Variants in RIC1 observed in about 807,000 individuals in gnomAD.
RIC1 encodes RIC1 partner of RAB6A GEF complex.
RIC1 carries 88 observed loss-of-function variants against 169.0 expected under a neutral mutation model. That is an observed-to-expected ratio of 0.52 (90% confidence interval 0.44 to 0.62). The LOEUF (loss-of-function observed/expected upper bound fraction) is 0.62. RIC1 is among the 20% of genes least tolerant of loss of function. The probability of loss-of-function intolerance (pLI) is 0.00; values close to 1 mark genes in which losing one functional copy is unlikely to be tolerated. For synonymous variants in RIC1, 790 were observed against 601.5 expected (o/e 1.31, Z -4.59); for missense variants, 1,877 against 1,725.5 (o/e 1.09, Z -1.56).
intron 8 of RIC1, among the ~76,000 whole-genome samples, chr9:5,740,384 T>G (rs1825005897): frequency 6.6e-6 from 1 of 152,080 alleles, no homozygotes; most frequent in African/African-American, 2.4e-5. Flanking sequence ...TCCTTAATAT[T>G]CTGTACCTCT....
chr9:5,773,895 G>A lies in RIC1; in HGVS notation c.3984-63G>A, dbSNP rs139410923. The A allele has an allele frequency of 1.8e-4, 260 of 1,428,848 alleles. No homozygotes were observed. In the African/African-American group the frequency reaches 2.9e-3, roughly 16 times the overall value. The allele number at this position is 1,428,848 out of a possible 1,614,324, so 88.5% of individuals were successfully genotyped here. A position where few individuals can be genotyped will look rare whatever the true frequency, so the allele number is the denominator to read the frequency against. On this transcript the variant is annotated intron_variant, in intron 25 of 25. Coordinates refer to ENST00000414202, the MANE Select transcript of RIC1 (RefSeq NM_020829.4). ...ATCAATGTTCAGTAGAAGTTCACCCGTAATGTTCTACCAAACCTTTTGAAT... is the reference window on the plus strand; with the variant it reads ...ATCAATGTTCAGTAGAAGTTCACCCATAATGTTCTACCAAACCTTTTGAAT...
At chr9:5,747,746 G>A (rs574554602) in intron 12 of RIC1, among the ~76,000 whole-genome samples, 1 of 152,262 alleles carries the variant, frequency 6.6e-6, no homozygotes, top group African/African-American at 2.4e-5. Flanking sequence ...AGAACTAGAA[G>A]TTTATGTTTT....
intron 2 of RIC1, among the ~76,000 whole-genome samples, chr9:5,687,705 G>T (rs181861471): frequency 6.6e-6 from 1 of 152,116 alleles, no homozygotes; most frequent in East Asian, 1.9e-4. Flanking sequence ...TTTTACACAC[G>T]GTATAAACCC....
Position 5,683,419 on chromosome 9 carries a change from G to A in RIC1, c.253-6540G>A, listed in dbSNP as rs10815269. On this transcript the variant is annotated intron_variant, in intron 2 of 25. Transcript: ENST00000414202. ...AGTTTGCTGGAGGTCCACTCCAGACGCTGTTTGCCTGGGTATCAGCAGCAG... is the reference window on the plus strand; with the variant it reads ...AGTTTGCTGGAGGTCCACTCCAGACACTGTTTGCCTGGGTATCAGCAGCAG... 7.2e-5 allele frequency among the ~76,000 whole-genome samples: 11 copies of A among 152,104 alleles called. No homozygotes were observed. The South Asian group carries it at 1.7e-3, about 23-fold the overall frequency.
intron 6 of RIC1, among the ~76,000 whole-genome samples, chr9:5,722,975 G>C (rs1823704590): frequency 6.6e-6 from 1 of 152,148 alleles, no homozygotes; most frequent in Admixed American, 6.5e-5. Flanking sequence ...CACTGGGCTT[G>C]GTACCAAGTC....
At position 5,743,078 on chromosome 9, in the gene RIC1, A is replaced by G. The variant is rs1587086591; in HGVS notation, c.1046+65A>G. Reference sequence around the variant, plus strand: ...TTATTTCTCACAATGCATGCATACAAAAACCTTGTGTCAGAACTTCCCTTT... The same window carrying G: ...TTATTTCTCACAATGCATGCATACAGAAACCTTGTGTCAGAACTTCCCTTT... On this transcript the variant is annotated intron_variant, in intron 9 of 25. Coordinates refer to ENST00000414202, the MANE Select transcript of RIC1 (RefSeq NM_020829.4). 7 of 1,476,830 alleles carry G rather than the reference A, an allele frequency of 4.7e-6. No individual in the cohort carries two copies. In the South Asian group the frequency reaches 8.8e-5, roughly 19 times the overall value. The allele number at this position is 1,476,830 out of a possible 1,614,324, so 91.5% of individuals were successfully genotyped here.
chr9:5,671,976 G>C (rs1203620083), intron 2 of RIC1, among the ~76,000 whole-genome samples: 2 of 152,158 alleles, frequency 1.3e-5, no homozygotes, highest in Non-Finnish European at 2.9e-5. Flanking sequence ...ACATTAGCAG[G>C]GCTTCCCATA....
intron 2 of RIC1, among the ~76,000 whole-genome samples, chr9:5,670,199 T>C (rs1820008925): frequency 6.6e-6 from 1 of 152,226 alleles, no homozygotes; most frequent in Admixed American, 6.5e-5. Flanking sequence ...TGGGAAAAAT[T>C]GGCTGTGGAG....
chr9:5,692,431 A>C (rs1315137081), intron 3 of RIC1, among the ~76,000 whole-genome samples: 1 of 152,048 alleles, frequency 6.6e-6, no homozygotes, highest in African/African-American at 2.4e-5. Flanking sequence ...AATTTTTTTC[A>C]CCAAGTGTTT....
In RIC1 at chr9:5,774,411, C is replaced by A; in HGVS notation, c.*165C>A. The A allele has an allele frequency of 1.8e-6, 1 of 565,376 alleles. No homozygotes were observed. The highest frequency in any genetic ancestry group is 2.9e-6 in the Non-Finnish European group (1 of 350,792). The allele number at this position is 565,376 out of a possible 1,614,324, so 35.0% of individuals were successfully genotyped here. A position where few individuals can be genotyped will look rare whatever the true frequency, so the allele number is the denominator to read the frequency against. ...TTTCTTGTCTAAGAAATCTTTTTGA[C>A]TCCATAAAAATGTGATATAAAGCAT... On this transcript the variant is annotated 3_prime_UTR_variant, in exon 26 of 26. Coordinates refer to ENST00000414202, the MANE Select transcript of RIC1 (RefSeq NM_020829.4).
At chr9:5,702,488 CACTT>C (rs1822283835) in intron 3 of RIC1, among the ~76,000 whole-genome samples, 1 of 151,568 alleles carries the variant, frequency 6.6e-6, no homozygotes, top group South Asian at 2.1e-4. Flanking sequence ...AGGTGCTACA[CACTT>C]ACACACTTTT....
At position 5,754,879 on chromosome 9, in the gene RIC1, G is replaced by A. The variant is rs1469438765; in HGVS notation, c.1641G>A (p.Trp547Ter). Reference protein sequence around the residue: ...NMIVTGGLAWWNDFMVLACYN... With the variant: ...NMIVTGGLAW ...TCGTGACAGGTGGCTTAGCCTGGTG[G>A]AATGATTTTATGGTCCTTGCGTGTT... The change falls in exon 15 of 26, where the codon TGG (tryptophan) becomes TGA (stop). Residue 547 changes from tryptophan (W) to a stop codon, truncating the protein, a stop_gained. Transcript: ENST00000414202. LOFTEE classifies it high-confidence loss of function. The A allele has an allele frequency of 6.3e-7, 1 of 1,578,238 alleles. No homozygotes were observed. Among genetic ancestry groups the A allele is most frequent in the Admixed American group, 1.7e-5 (1 of 59,718 alleles).
intron 6 of RIC1, among the ~76,000 whole-genome samples, chr9:5,722,990 C>T (rs1339066455): frequency 6.6e-6 from 1 of 152,174 alleles, no homozygotes; most frequent in African/African-American, 2.4e-5. Flanking sequence ...CAAGTCTTTG[C>T]TATTTGAATA....
chr9:5,696,696 T>A (rs1172637031), intron 3 of RIC1, among the ~76,000 whole-genome samples: 1 of 152,230 alleles, frequency 6.6e-6, no homozygotes, highest in Non-Finnish European at 1.5e-5. Context: ...ACTCTCCAGT[T>A]GTCCTGTATC....
chr9:5,758,042 C>G (rs1185348076), intron 17 of RIC1, among the ~76,000 whole-genome samples: 2 of 152,104 alleles, frequency 1.3e-5, no homozygotes, highest in Non-Finnish European at 2.9e-5. Context: ...TAAGACAAAA[C>G]TACTGTAGGG....
chr9:5,761,494 T>C (rs932084770), intron 17 of RIC1, among the ~76,000 whole-genome samples: 12 of 152,130 alleles, frequency 7.9e-5, no homozygotes, highest in African/African-American at 2.9e-4. Context: ...TACTTGGAAT[T>C]CTTAAGAATT....
chr9:5,723,965 T>A (rs1305726736), intron 6 of RIC1, among the ~76,000 whole-genome samples: 2 of 152,172 alleles, frequency 1.3e-5, no homozygotes, highest in Non-Finnish European at 2.9e-5. Context: ...ACTGTAGCCT[T>A]GTAGTATAGT....
chr9:5,688,659 A>G (rs1586951905), intron 2 of RIC1, among the ~76,000 whole-genome samples: 2 of 152,220 alleles, frequency 1.3e-5, no homozygotes, highest in East Asian at 3.8e-4. Context: ...TAAAATAGTA[A>G]AGTTAATGGT....
At chr9:5,729,319 G>C (rs1009769546) in intron 6 of RIC1, among the ~76,000 whole-genome samples, 1 of 152,088 alleles carries the variant, frequency 6.6e-6, no homozygotes, top group Non-Finnish European at 1.5e-5. Context: ...CTCAGCTTTG[G>C]GGAAGTGCTC....
Sources: allele counts gnomAD v4.1 joint callset (sites outside exome capture counted in the v4.1 genomes callset), GRCh38; gene constraint gnomAD v4.1.1; transcripts MANE v1.5; gene names NCBI Gene and HGNC (gene_info 2026-07-23, HGNC 2026-07-21).